The following ARHGAP6 variants were observed in gnomAD, a reference collection of about 807,000 sequenced individuals.
ARHGAP6 encodes rho GTPase-activating protein 6.
ARHGAP6 carries 16 observed loss-of-function variants against 55.7 expected under a neutral mutation model. The ratio of observed to expected loss-of-function variants is 0.29; its 90% CI spans 0.19 to 0.44. The LOEUF (loss-of-function observed/expected upper bound fraction) is 0.44, where lower values mean the gene tolerates loss of function less well. Ranked by LOEUF, ARHGAP6 falls within the 20% of genes least tolerant of loss-of-function variation. The pLI is 1.00. For missense variants in ARHGAP6, 698 were observed against 808.9 expected, an observed-to-expected ratio of 0.86 and a Z score of 1.66; for synonymous variants, 382 against 360.9, an observed-to-expected ratio of 1.06 and a Z score of -0.66.
chrX:11,368,065 T>G (rs1428811109), intron 1 of ARHGAP6, among the ~76,000 whole-genome samples: 3 of 112,611 alleles, frequency 2.7e-5, no homozygotes, highest in Non-Finnish European at 5.6e-5. Context: ...TTGACTGATC[T>G]ATACTGTGCA....
At chrX:11,485,773 T>C (rs2050505231) in intron 1 of ARHGAP6, among the ~76,000 whole-genome samples, 1 of 111,470 alleles carries the variant, frequency 9.0e-6, no homozygotes, top group Admixed American at 9.5e-5. Context: ...ATTTGCAGGT[T>C]CGTGAGGAAG....
rs2047860839 is a variant in ARHGAP6 at position 11,281,957 on chromosome X, C to A, written c.589-27250G>T. Among the ~76,000 whole-genome samples the A allele has an allele frequency of 5.4e-5, 6 of 111,810 alleles. No homozygotes were observed. The Admixed American group carries it at 5.7e-4, about 11-fold the overall frequency. On this transcript the variant is annotated intron_variant, in intron 1 of 12. Coordinates refer to ENST00000337414, the MANE Select transcript of ARHGAP6 (RefSeq NM_013427.3). ...ATAATGGAATAAACAGAGTGTCTTG[C>A]CTTCAGGGTTGCTAACTGAACCCAT...
At chrX:11,330,504 G>A (rs145407220) in intron 1 of ARHGAP6, among the ~76,000 whole-genome samples, 68 of 111,173 alleles carry the variant, frequency 6.1e-4, no homozygotes, top group South Asian at 4.2e-3. Flanking sequence ...GTCTTAGAAC[G>A]CCAGGAAGCA....
chrX:11,561,098 C>G (rs1193720475), intron 1 of ARHGAP6, among the ~76,000 whole-genome samples: 1 of 111,984 alleles, frequency 8.9e-6, no homozygotes, highest in African/African-American at 3.3e-5. Flanking sequence ...ACCACAAGGC[C>G]TGCAAAGTCT....
intron 2 of ARHGAP6, among the ~76,000 whole-genome samples, chrX:11,248,668 G>A (rs1280119580): frequency 8.9e-6 from 1 of 112,242 alleles, no homozygotes; most frequent in African/African-American, 3.2e-5. Flanking sequence ...TATAAAAAAT[G>A]CTCAACATCA....
intron 1 of ARHGAP6, among the ~76,000 whole-genome samples, chrX:11,296,031 A>C (rs1195844247): frequency 1.8e-5 from 2 of 111,945 alleles, no homozygotes; most frequent in Non-Finnish European, 3.8e-5. Context: ...TTTATTTTTA[A>C]CTTGAAAATT....
chrX:11,481,852 G>C (rs1204559874), intron 1 of ARHGAP6, among the ~76,000 whole-genome samples: 1 of 112,298 alleles, frequency 8.9e-6, no homozygotes, highest in Non-Finnish European at 1.9e-5. Context: ...AGGAAATTCT[G>C]AATACAGGTC....
intron 1 of ARHGAP6, among the ~76,000 whole-genome samples, chrX:11,539,994 G>A (rs1463649561): frequency 1.8e-5 from 2 of 111,282 alleles, no homozygotes; most frequent in African/African-American, 6.5e-5. Flanking sequence ...GGTGGCTCAT[G>A]CCTGTAATCT....
intron 1 of ARHGAP6, among the ~76,000 whole-genome samples, chrX:11,399,634 A>G (rs1426822538): frequency 8.9e-6 from 1 of 112,013 alleles, no homozygotes; most frequent in Non-Finnish European, 1.9e-5. Context: ...GTGGGAATGT[A>G]AAATGGAGCA....
intron 1 of ARHGAP6, among the ~76,000 whole-genome samples, chrX:11,275,224 A>T (rs1276778421): frequency 8.9e-6 from 1 of 111,935 alleles, no homozygotes; most frequent in African/African-American, 3.2e-5. Context: ...GATGAATTAT[A>T]TATGTGACAT....
intron 2 of ARHGAP6, chrX:11,225,771 G>A: frequency 2.2e-6 from 1 of 455,408 alleles, no homozygotes; most frequent in Non-Finnish European, 3.6e-6. Context: ...GTTCTATTTG[G>A]TAACACAATA....
chrX:11,400,479 A>G (rs771885986), intron 1 of ARHGAP6, among the ~76,000 whole-genome samples: 271 of 109,157 alleles, frequency 2.5e-3, no homozygotes, highest in Non-Finnish European at 3.9e-3. Flanking sequence ...TTGCAATAAT[A>G]TTGTCAATGA....
chrX:11,173,091 C>T (rs952251852), intron 8 of ARHGAP6, among the ~76,000 whole-genome samples: 12 of 112,083 alleles, frequency 1.1e-4, no homozygotes, highest in African/African-American at 3.6e-4. Context: ...AGCTCAGAGC[C>T]AGGAGATGGT....
intron 1 of ARHGAP6, among the ~76,000 whole-genome samples, chrX:11,450,367 C>A (rs1336408178): frequency 2.7e-5 from 3 of 111,964 alleles, no homozygotes; most frequent in Non-Finnish European, 5.6e-5. Flanking sequence ...CTAAATACAA[C>A]AAACGTGTCA....
intron 1 of ARHGAP6, among the ~76,000 whole-genome samples, chrX:11,568,780 T>C (rs1335025705): frequency 1.8e-5 from 2 of 110,124 alleles, no homozygotes; most frequent in African/African-American, 6.6e-5. Flanking sequence ...AAAAAGTAGT[T>C]CTGCTCACTA....
At chrX:11,501,522 T>C (rs1444323036) in intron 1 of ARHGAP6, among the ~76,000 whole-genome samples, 1 of 111,529 alleles carries the variant, frequency 9.0e-6, no homozygotes, top group African/African-American at 3.3e-5. Context: ...ACAACTGACA[T>C]TTGAACAACA....
chrX:11,508,186 G>A (rs2050752647), intron 1 of ARHGAP6, among the ~76,000 whole-genome samples: 2 of 110,375 alleles, frequency 1.8e-5, no homozygotes, highest in Admixed American at 9.7e-5. Flanking sequence ...TTTAAGAGTC[G>A]GAGTCTTGCT....
intron 3 of ARHGAP6, among the ~76,000 whole-genome samples, chrX:11,191,559 C>A (rs768580892): frequency 9.0e-6 from 1 of 111,546 alleles, no homozygotes; most frequent in African/African-American, 3.3e-5. Context: ...AAATAAACAA[C>A]CTTCGACCCA....
intron 1 of ARHGAP6, among the ~76,000 whole-genome samples, chrX:11,559,227 T>C (rs1601643881): frequency 9.1e-6 from 1 of 109,964 alleles, no homozygotes; most frequent in East Asian, 2.9e-4. Context: ...TGGTCTTTCA[T>C]GATGAGGCCC....
Sources: allele counts gnomAD v4.1 joint callset (sites outside exome capture counted in the v4.1 genomes callset), GRCh38; gene constraint gnomAD v4.1.1; transcripts MANE v1.5; gene names NCBI Gene and HGNC (gene_info 2026-07-23, HGNC 2026-07-21).